NLGN1: variants seen among roughly 807,000 people sequenced by gnomAD.
NLGN1 encodes neuroligin 1, also known as neuroligin-1.
Under a neutral mutation model 65.5 loss-of-function variants are expected in NLGN1, and 12 were observed. That is an observed-to-expected ratio of 0.18 (90% CI 0.12 to 0.30). NLGN1 has a LOEUF of 0.30. Ranked by LOEUF, NLGN1 falls within the 10% of genes least tolerant of loss-of-function variation. The pLI is 1.00. For missense variants in NLGN1, 750 were observed against 1,007.1 expected (o/e 0.74, Z 3.46); for synonymous variants, 350 against 359.5 (o/e 0.97, Z 0.30).
intron 4 of NLGN1, among the ~76,000 whole-genome samples, chr3:173,932,227 C>T (rs11914538): frequency 0.015 from 2,330 of 152,030 alleles, 69 homozygotes; most frequent in African/African-American, 0.053. Flanking sequence ...CCTGTTTCCA[C>T]TGTGATCAAG....
chr3:173,691,893 C>T (rs2149827964), intron 3 of NLGN1, among the ~76,000 whole-genome samples: 1 of 152,142 alleles, frequency 6.6e-6, no homozygotes, highest in African/African-American at 2.4e-5. Flanking sequence ...ACTGAGAATA[C>T]ACATTAAATT....
Position 174,275,159 on chromosome 3 carries a change from CTAAAG to C in NLGN1, c.647-151_647-147del, listed in dbSNP as rs372366875. On this transcript the variant is annotated intron_variant, in intron 4 of 6. Coordinates refer to ENST00000457714, the Ensembl canonical transcript of NLGN1. ...TTTCAGCCACTACTAACTATTCTTG[CTAAAG>C]TAAATTCTTTTGTTATAGTGGAAAA... Among the ~76,000 whole-genome samples, 8 of 151,964 alleles carry C rather than the reference CTAAAG, an allele frequency of 5.3e-5. No individual in the cohort carries two copies. The South Asian group carries it at 1.2e-3, about 24-fold the overall frequency.
intron 3 of NLGN1, among the ~76,000 whole-genome samples, chr3:173,702,483 A>G (rs1464670722): frequency 6.6e-6 from 1 of 152,220 alleles, no homozygotes; most frequent in Non-Finnish European, 1.5e-5. Context: ...ACCTTAAAGG[A>G]GCAAAGTTCT....
chr3:173,966,092 CAACT>C (rs1714804475), intron 4 of NLGN1, among the ~76,000 whole-genome samples: 1 of 152,016 alleles, frequency 6.6e-6, no homozygotes, highest in Non-Finnish European at 1.5e-5. Context: ...TGGTTAGCAC[CAACT>C]GATATTCAAA....
At chr3:173,686,270 T>TAAAA (rs781316584) in intron 3 of NLGN1, among the ~76,000 whole-genome samples, 1 of 135,946 alleles carries the variant, frequency 7.4e-6, no homozygotes, top group Non-Finnish European at 1.6e-5. Context: ...AGCGCTTGAC[T>TAAAA]AAAAAAAAAA....
chr3:173,727,757 C>T (rs534994300), intron 3 of NLGN1, among the ~76,000 whole-genome samples: 101 of 152,156 alleles, frequency 6.6e-4, no homozygotes, highest in Middle Eastern at 3.4e-3. Context: ...CTCAGAATTT[C>T]GGTTTAAAGT....
intron 3 of NLGN1, among the ~76,000 whole-genome samples, chr3:173,613,230 A>G (rs1577537622): frequency 6.6e-6 from 1 of 152,186 alleles, no homozygotes; most frequent in East Asian, 1.9e-4. Context: ...TTCTATCATT[A>G]TGTCTATTTT....
intron 4 of NLGN1, among the ~76,000 whole-genome samples, chr3:174,221,213 C>T (rs1352795189): frequency 6.6e-6 from 1 of 151,846 alleles, no homozygotes; most frequent in African/African-American, 2.4e-5. Context: ...TTGGCAACAG[C>T]ACTGTTTTGT....
chr3:173,690,811 A>G (rs1048578292), intron 3 of NLGN1, among the ~76,000 whole-genome samples: 5 of 152,192 alleles, frequency 3.3e-5, no homozygotes, highest in Admixed American at 2.6e-4. Context: ...GTGACTAATT[A>G]TAGTTTGTAT....
chr3:174,173,358 G>A (rs979436995), intron 4 of NLGN1, among the ~76,000 whole-genome samples: 4 of 151,896 alleles, frequency 2.6e-5, no homozygotes, highest in African/African-American at 9.7e-5. Flanking sequence ...AATAATACTG[G>A]TGAAAGCAGT....
intron 2 of NLGN1, among the ~76,000 whole-genome samples, chr3:173,451,674 C>G (rs567107515): frequency 9.8e-5 from 15 of 152,298 alleles, no homozygotes; most frequent in African/African-American, 3.6e-4. Context: ...TCTGCAGAGG[C>G]AGGCAGGCCT....
intron 2 of NLGN1, among the ~76,000 whole-genome samples, chr3:173,533,657 A>G (rs1411339782): frequency 6.6e-6 from 1 of 152,196 alleles, no homozygotes; most frequent in African/African-American, 2.4e-5. Context: ...TCCTTAAGAT[A>G]CAATTACGTA....
chr3:173,995,837 T>TA (rs2152419851), intron 4 of NLGN1, among the ~76,000 whole-genome samples: 1 of 151,826 alleles, frequency 6.6e-6, no homozygotes, highest in East Asian at 1.9e-4. Context: ...CCGGTGCACA[T>TA]ACCATACTCG....
Position 173,678,592 on chromosome 3 carries a change from G to T in NLGN1, c.493+73501G>T, listed in dbSNP as rs114121792. On this transcript the variant is annotated intron_variant, in intron 3 of 6. Coordinates refer to ENST00000457714, the Ensembl canonical transcript of NLGN1. ...AGGGTGCTGCAAATGGTTCGTTATG[G>T]CTATAGCGACTATAAAGTAAAGAAG... 6.5e-3 allele frequency among the ~76,000 whole-genome samples: 995 copies of T among 152,142 alleles called. 14 individuals are homozygous for T. Among genetic ancestry groups the T allele is most frequent in the African/African-American group, 0.023 (949 of 41,544 alleles).
chr3:173,612,493 A>G (rs1415191463), intron 3 of NLGN1, among the ~76,000 whole-genome samples: 1 of 152,010 alleles, frequency 6.6e-6, no homozygotes, highest in Non-Finnish European at 1.5e-5. Context: ...GAGGTTACTA[A>G]TAGTCCTTGC....
At chr3:174,263,748 CT>C (rs1276824677) in intron 4 of NLGN1, among the ~76,000 whole-genome samples, 1 of 151,584 alleles carries the variant, frequency 6.6e-6, no homozygotes. Flanking sequence ...GGTGATTTTG[CT>C]TGTTAGTTGA....
At chr3:173,507,405 T>A (rs888290570) in intron 2 of NLGN1, among the ~76,000 whole-genome samples, 2 of 152,154 alleles carry the variant, frequency 1.3e-5, no homozygotes, top group Non-Finnish European at 2.9e-5. Context: ...CTGGATTGTT[T>A]TGTTTTGGAA....
intron 4 of NLGN1, among the ~76,000 whole-genome samples, chr3:173,847,606 TA>T (rs561000611): frequency 3.5e-4 from 54 of 152,292 alleles, no homozygotes; most frequent in African/African-American, 1.2e-3. Flanking sequence ...TATTATATTT[TA>T]AAATGTATTG....
At chr3:174,223,163 C>T (rs1043435785) in intron 4 of NLGN1, among the ~76,000 whole-genome samples, 5 of 152,154 alleles carry the variant, frequency 3.3e-5, no homozygotes, top group Non-Finnish European at 5.9e-5. Context: ...CTGACAACTT[C>T]ATTTTGTTAG....
Sources: gnomAD v4.1 joint callset for allele counts (sites outside exome capture counted in the v4.1 genomes callset) on GRCh38, gnomAD v4.1.1 for gene constraint, MANE v1.5 for transcripts, NCBI Gene and HGNC (gene_info 2026-07-23, HGNC 2026-07-21) for gene names.